TULP4: variants seen among roughly 807,000 people sequenced by gnomAD.
TULP4 encodes the protein tubby-related protein 4.
In TULP4, 16 loss-of-function variants were observed where a neutral mutation model predicts 129.0. The ratio of observed to expected loss-of-function variants is 0.12; its 90% confidence interval spans 0.08 to 0.19. TULP4 has a LOEUF of 0.19. Among genes scored for constraint, TULP4 ranks in the 10% least tolerant of loss-of-function variants. The pLI, the probability that TULP4 is intolerant of heterozygous loss-of-function variation, is 1.00. For missense variants in TULP4, 1,842 were observed against 2,059.1 expected (o/e 0.89, Z 2.04); for synonymous variants, 998 against 854.0 (o/e 1.17, Z -2.94).
chr6:158,285,026 CT>C (rs1215904283), intron 1 of TULP4, among the ~76,000 whole-genome samples: 3 of 152,176 alleles, frequency 2.0e-5, no homozygotes, highest in Admixed American at 6.5e-5. Flanking sequence ...GGGTTCAACA[CT>C]TTTCTGTTGC....
upstream of TULP4, among the ~76,000 whole-genome samples, chr6:158,278,485 A>G (rs866136824): frequency 6.6e-6 from 1 of 151,830 alleles, no homozygotes; most frequent in Non-Finnish European, 1.5e-5. Context: ...CTGTATGCTC[A>G]TGTTGATTAA....
At chr6:158,287,753 A>T (rs1778856706) in intron 1 of TULP4, among the ~76,000 whole-genome samples, 1 of 152,234 alleles carries the variant, frequency 6.6e-6, no homozygotes, top group Non-Finnish European at 1.5e-5. Flanking sequence ...CTTGGAGCTT[A>T]GTCCAGGCAG....
chr6:158,506,811 C>T lies in TULP4; in HGVS notation c.*117C>T. On this transcript the variant is annotated 3_prime_UTR_variant, in exon 14 of 14. Coordinates refer to ENST00000367097, the MANE Select transcript of TULP4 (RefSeq NM_020245.5). ...GGAGGACCAGAAGCCAACAGCAAAACTGGAAAAGCCCGGCAGGCCCAGGAG... is the reference window on the plus strand; with the variant it reads ...GGAGGACCAGAAGCCAACAGCAAAATTGGAAAAGCCCGGCAGGCCCAGGAG... 2.8e-6 allele frequency: 2 copies of T among 710,804 alleles called. No individual in the cohort carries two copies. Among genetic ancestry groups the T allele is most frequent in the Admixed American group, 4.8e-5 (2 of 41,428 alleles). The allele number at this position is 710,804 out of a possible 1,614,324, so 44.0% of individuals were successfully genotyped here. A position where few individuals can be genotyped will look rare whatever the true frequency, so the allele number is the denominator to read the frequency against.
chr6:158,345,502 G>A (rs910002467), intron 1 of TULP4, among the ~76,000 whole-genome samples: 3 of 152,304 alleles, frequency 2.0e-5, no homozygotes, highest in South Asian at 2.1e-4. Context: ...CAGCTGGGCC[G>A]CCAGGCGTGA....
chr6:158,421,361 C>CA lies in TULP4; in HGVS notation c.381+8181dup, dbSNP rs71030167. On this transcript the variant is annotated intron_variant, in intron 2 of 13. Transcript: ENST00000367097. ...TGGGCCACAGAGCGGGGCTCCGTCT[C>CA]AAAAAAAAAAAAAGAAATACATTGG... Among the ~76,000 whole-genome samples, 609 of 142,252 alleles carry CA rather than the reference C, an allele frequency of 4.3e-3. 5 individuals are homozygous for CA. The highest frequency in any genetic ancestry group is 0.039 in the Middle Eastern group (11 of 282). The allele number at this position is 142,252 out of a possible 152,430, so 93.3% of individuals were successfully genotyped here. A position where few individuals can be genotyped will look rare whatever the true frequency, so the allele number is the denominator to read the frequency against.
At position 158,481,164 on chromosome 6, in the gene TULP4, G is replaced by A; in HGVS notation, c.1361G>A (p.Gly454Asp). The change falls in exon 8 of 14, where the codon GGC becomes GAC. Residue 454 changes from glycine to aspartate, a missense_variant. By Grantham distance (94) the Gly-to-Asp change is moderately conservative (BLOSUM62 -1). Coordinates refer to ENST00000367097, the MANE Select transcript of TULP4 (RefSeq NM_020245.5). ...CGCACAGAGGACGACCCGGAGGTGG[G>A]CGGCCCGTGCTACACGCTCTACCTG... ...MKRTEDDPEV[G>D]GPCYTLYLEY... is the part of the protein sequence containing the mutation. 6.2e-7 allele frequency: 1 copy of A among 1,614,194 alleles called. No homozygotes were observed. Among genetic ancestry groups the A allele is most frequent in the South Asian group, 1.1e-5 (1 of 91,080 alleles).
rs6928470 is a variant in TULP4, at chr6:158,350,249, G to A, written c.252+35981G>A. On this transcript the variant is annotated intron_variant, in intron 1 of 13. Transcript: ENST00000367097. The stretch of plus-strand genomic sequence containing the variant: ...GTGCTCTTCACTTCCCAGACGGGGC[G>A]GCCGGGCAGAGGGGCTCCTCACATC... Among the ~76,000 whole-genome samples, 27 of 4,460 alleles carry A rather than the reference G, an allele frequency of 6.1e-3. 1 individual carries two copies. Among genetic ancestry groups the A allele is most frequent in the Non-Finnish European group, 0.02 (20 of 992 alleles). The allele number at this position is 4,460 out of a possible 152,430, so 2.9% of individuals were successfully genotyped here.
chr6:158,421,246 C>A (rs944717545), intron 2 of TULP4, among the ~76,000 whole-genome samples: 5 of 152,008 alleles, frequency 3.3e-5, no homozygotes, highest in African/African-American at 1.2e-4. Flanking sequence ...CCTGTAGTCC[C>A]AGCTACTCGG....
At chr6:158,262,102 G>C (rs957370119) in intron 1 of TULP4, among the ~76,000 whole-genome samples, 23 of 152,356 alleles carry the variant, frequency 1.5e-4, no homozygotes, top group African/African-American at 4.3e-4. Flanking sequence ...ACACTGGGTA[G>C]AGGGCTGGCA....
intron 1 of TULP4, among the ~76,000 whole-genome samples, chr6:158,376,449 C>G (rs944677557): frequency 6.6e-6 from 1 of 152,150 alleles, no homozygotes; most frequent in African/African-American, 2.4e-5. Context: ...AGGCATATGT[C>G]CGGGGGGAGA....
intron 2 of TULP4, 139 bp from the exon 3 acceptor site, chr6:158,429,597 G>A: frequency 1.0e-6 from 1 of 962,408 alleles, no homozygotes; most frequent in South Asian, 2.0e-5. Flanking sequence ...CGTTTTTATA[G>A]CTTTCAAATA....
At chr6:158,343,611 A>T (rs1780236527) in intron 1 of TULP4, among the ~76,000 whole-genome samples, 1 of 152,014 alleles carries the variant, frequency 6.6e-6, no homozygotes, top group Non-Finnish European at 1.5e-5. Flanking sequence ...TCCAGAAAAG[A>T]GCCCTTGTCA....
chr6:158,426,617 T>A (rs1431444446), intron 2 of TULP4, among the ~76,000 whole-genome samples: 2 of 152,222 alleles, frequency 1.3e-5, no homozygotes, highest in Non-Finnish European at 2.9e-5. Flanking sequence ...TTTTGGTTAC[T>A]GTAGCCCTGT....
rs142603143 is a variant in TULP4 at position 158,413,537 on chromosome 6, G to T, written c.381+344G>T. 2.6e-5 allele frequency among the ~76,000 whole-genome samples: 4 copies of T among 152,272 alleles called. No individual in the cohort carries two copies. The highest frequency in any genetic ancestry group is 2.6e-4 in the Admixed American group (4 of 15,304). On this transcript the variant is annotated intron_variant, in intron 2 of 13. Coordinates refer to ENST00000367097, the MANE Select transcript of TULP4 (RefSeq NM_020245.5). The surrounding 1 kb of genome is among the most constrained non-coding windows in gnomAD (Gnocchi z 4.9). ...ATCACTGTTTTGCCCCCTTCGAAAG[G>T]TATCTTCCCTGTGTTGTCATCTCAG...
Position 158,511,634 on chromosome 6 carries a change from C to T in TULP4, c.*4940C>T, listed in dbSNP as rs188532208. ...TCATCCTTATTTGCCTTTCTTCTTACGTATTTTGTGTATTAGATTGTGCAG... is the reference window on the plus strand; with the variant it reads ...TCATCCTTATTTGCCTTTCTTCTTATGTATTTTGTGTATTAGATTGTGCAG... On this transcript the variant is annotated 3_prime_UTR_variant, in exon 14 of 14. Transcript: ENST00000367097. 2 of 152,670 alleles carry T rather than the reference C, an allele frequency of 1.3e-5. No homozygotes were observed. Among genetic ancestry groups the T allele is most frequent in the East Asian group, 1.9e-4 (1 of 5,190 alleles). 9.5% of individuals were successfully genotyped at this position (152,670 alleles called of 1,614,324 possible).
chr6:158,327,997 C>T (rs867571901), intron 1 of TULP4, among the ~76,000 whole-genome samples: 4 of 151,450 alleles, frequency 2.6e-5, no homozygotes, highest in Middle Eastern at 3.4e-3. Flanking sequence ...CAGCTTTCTC[C>T]GTAGTGGTCC....
chr6:158,268,441 C>T (rs926714649), intron 1 of TULP4, among the ~76,000 whole-genome samples: 1 of 152,138 alleles, frequency 6.6e-6, no homozygotes, highest in Non-Finnish European at 1.5e-5. Context: ...TTGTCTTAGT[C>T]TGTTTGGCTG....
intron 1 of TULP4, among the ~76,000 whole-genome samples, chr6:158,249,265 G>T (rs1012304083): frequency 2.6e-5 from 4 of 151,894 alleles, no homozygotes; most frequent in Non-Finnish European, 2.9e-5. Flanking sequence ...TTCATATGTA[G>T]AAACTACTTT....
chr6:158,446,665 A>C (rs1295145054), intron 3 of TULP4, among the ~76,000 whole-genome samples: 1 of 152,170 alleles, frequency 6.6e-6, no homozygotes, highest in Non-Finnish European at 1.5e-5. Flanking sequence ...ATAAAATACC[A>C]CAGACCAAGG....
Sources: gnomAD v4.1 joint callset for allele counts (sites outside exome capture counted in the v4.1 genomes callset) on GRCh38, gnomAD v4.1.1 for gene constraint, Gnocchi (gnomAD v3.1) non-coding constraint, MANE v1.5 for transcripts, NCBI Gene and HGNC (gene_info 2026-07-23, HGNC 2026-07-21) for gene names.